The following NRG3 variants were observed in gnomAD, a reference collection of about 807,000 sequenced individuals.
The protein encoded by NRG3 is neuregulin 3.
A neutral mutation model predicts 66.9 loss-of-function variants in NRG3; 31 were observed. That is an observed-to-expected ratio of 0.46 (90% CI 0.35 to 0.63). NRG3 has a LOEUF of 0.63. Among genes scored for constraint, NRG3 ranks in the 20% least tolerant of loss-of-function variants. The probability of loss-of-function intolerance (pLI) is 0.00; values close to 1 mark genes in which losing one functional copy is unlikely to be tolerated. For missense variants in NRG3, 910 were observed against 878.9 expected, an observed-to-expected ratio of 1.04 and a Z score of -0.45; for synonymous variants, 393 against 359.4, an observed-to-expected ratio of 1.09 and a Z score of -1.06.
At chr10:82,005,662 TTTAAGCTAC>T (rs1361024718) in intron 1 of NRG3, among the ~76,000 whole-genome samples, 2 of 152,196 alleles carry the variant, frequency 1.3e-5, no homozygotes. Flanking sequence ...TCATTTTAAT[TTTAAGCTAC>T]ATGCTCTTAA....
intron 1 of NRG3, among the ~76,000 whole-genome samples, chr10:82,058,810 G>C (rs541900049): frequency 6.6e-6 from 1 of 152,174 alleles, no homozygotes; most frequent in South Asian, 2.1e-4. Context: ...CAACTGAAGA[G>C]GCAGTTCTTA....
chr10:82,481,941 C>T (rs1198245544), intron 2 of NRG3, among the ~76,000 whole-genome samples: 1 of 152,120 alleles, frequency 6.6e-6, no homozygotes, highest in Non-Finnish European at 1.5e-5. Context: ...GAGCTGAGAT[C>T]ACGCCACTGC....
At chr10:82,144,769 A>T (rs1398870092) in intron 1 of NRG3, among the ~76,000 whole-genome samples, 1 of 152,160 alleles carries the variant, frequency 6.6e-6, no homozygotes, top group Non-Finnish European at 1.5e-5. Context: ...ACTTCAAGCA[A>T]AACAGCTACT....
At chr10:82,421,624 C>G (rs569471431) in intron 2 of NRG3, among the ~76,000 whole-genome samples, 10 of 152,046 alleles carry the variant, frequency 6.6e-5, no homozygotes, top group Non-Finnish European at 1.5e-4. Flanking sequence ...GCTTATTCAG[C>G]TCTGCTTAGA....
chr10:82,166,238 C>G (rs370805996), intron 1 of NRG3, among the ~76,000 whole-genome samples: 9 of 152,246 alleles, frequency 5.9e-5, no homozygotes, highest in East Asian at 1.9e-4. Context: ...AGGCTGGTCT[C>G]TAACTCCTGA....
chr10:82,380,744 TTTG>T (rs1332951275), intron 2 of NRG3, among the ~76,000 whole-genome samples: 3 of 152,160 alleles, frequency 2.0e-5, no homozygotes, highest in South Asian at 4.1e-4. Flanking sequence ...TGGAAAACAG[TTTG>T]TTATTACCAC....
intron 4 of NRG3, among the ~76,000 whole-genome samples, chr10:82,901,285 T>A (rs1223418027): frequency 6.6e-6 from 1 of 151,884 alleles, no homozygotes; most frequent in African/African-American, 2.4e-5. Context: ...CAAATTTGAA[T>A]TTTTTTTGTC....
intron 1 of NRG3, among the ~76,000 whole-genome samples, chr10:82,344,693 GTTC>G (rs1265336015): frequency 1.2e-4 from 15 of 123,392 alleles, no homozygotes; most frequent in African/African-American, 6.8e-4. Context: ...GTGTAAAAGT[GTTC>G]CTATTTCTCC....
intron 1 of NRG3, among the ~76,000 whole-genome samples, chr10:82,072,707 CATT>C (rs1023823534): frequency 1.1e-4 from 17 of 149,334 alleles, no homozygotes; most frequent in Non-Finnish European, 2.5e-4. Flanking sequence ...TTTTTTGCTT[CATT>C]ATTTTATGTC....
intron 1 of NRG3, among the ~76,000 whole-genome samples, chr10:82,349,138 G>A (rs4603241): frequency 0.15 from 21,871 of 146,602 alleles, 1,653 homozygotes; most frequent in East Asian, 0.31. Flanking sequence ...GAGGAGAGGC[G>A]CTCTGCTTTT....
chr10:81,903,974 GTA>G lies in NRG3; in HGVS notation c.823+27833_823+27834del, dbSNP rs71007284. On this transcript the variant is annotated intron_variant, in intron 1 of 8. Coordinates refer to ENST00000372141, the MANE Select transcript of NRG3 (RefSeq NM_001010848.4). ...ATCCACCTTCAAGACTTCAGAGTGT[GTA>G]TATATATATATATATATATATTTTT... is the stretch of plus-strand genomic sequence containing the variant. 4.7e-3 allele frequency among the ~76,000 whole-genome samples: 670 copies of G among 143,418 alleles called. 6 individuals carry two copies. The highest frequency in any genetic ancestry group is 0.014 in the African/African-American group (559 of 39,178). The allele number at this position is 143,418 out of a possible 152,430, so 94.1% of individuals were successfully genotyped here.
At chr10:82,943,210 C>T (rs1468118330) in intron 4 of NRG3, among the ~76,000 whole-genome samples, 2 of 152,170 alleles carry the variant, frequency 1.3e-5, no homozygotes, top group Non-Finnish European at 2.9e-5. Flanking sequence ...TTTGTTCGTG[C>T]TTATGTGTTT....
chr10:82,086,776 GCCCATCA>G lies in NRG3; in HGVS notation c.823+210616_823+210622del, dbSNP rs1352265412. Reference sequence around the variant, plus strand: ...AGGGTGAGATATTTGGAAGTAGCACGCCCATCACCAACACTGTCAAATCATTAGTCCA... The same window carrying G: ...AGGGTGAGATATTTGGAAGTAGCACGCCAACACTGTCAAATCATTAGTCCA... On this transcript the variant is annotated intron_variant, in intron 1 of 8. Coordinates refer to ENST00000372141, the MANE Select transcript of NRG3 (RefSeq NM_001010848.4). 2.0e-5 allele frequency among the ~76,000 whole-genome samples: 3 copies of G among 152,076 alleles called. No individual in the cohort carries two copies. In the East Asian group the frequency reaches 5.8e-4, roughly 29 times the overall value.
intron 3 of NRG3, among the ~76,000 whole-genome samples, chr10:82,850,027 C>T (rs2063489363): frequency 1.3e-5 from 2 of 152,088 alleles, no homozygotes; most frequent in South Asian, 4.1e-4. Context: ...TAAAACCATC[C>T]AGGTGAGAGA....
At chr10:82,345,151 T>C (rs1003333437) in intron 1 of NRG3, among the ~76,000 whole-genome samples, 97 of 142,912 alleles carry the variant, frequency 6.8e-4, no homozygotes, top group Non-Finnish European at 9.9e-4. Context: ...GTCTATGTCC[T>C]GAATGGTAAT....
At chr10:82,643,383 C>T (rs999999356) in intron 2 of NRG3, among the ~76,000 whole-genome samples, 2 of 152,094 alleles carry the variant, frequency 1.3e-5, no homozygotes. Context: ...TTGCTCCTCC[C>T]TGCCTTCCAC....
At position 82,949,771 on chromosome 10, in the gene NRG3, C is replaced by T. The variant is rs1281357125; in HGVS notation, c.1055-1698C>T. ...TTGGGAGGCTGAAGCAGGAGGATCA[C>T]GTGAACCCAGGAGGAAGAGGTTGCA... On this transcript the variant is annotated intron_variant, in intron 4 of 8. Coordinates refer to ENST00000372141, the MANE Select transcript of NRG3 (RefSeq NM_001010848.4). Among the ~76,000 whole-genome samples, 3 of 152,026 alleles carry T rather than the reference C, an allele frequency of 2.0e-5. 1 individual carries two copies. In the South Asian group the frequency reaches 6.2e-4, roughly 32 times the overall value.
At chr10:82,889,475 T>A (rs1290793942) in intron 4 of NRG3, among the ~76,000 whole-genome samples, 1 of 152,212 alleles carries the variant, frequency 6.6e-6, no homozygotes, top group Non-Finnish European at 1.5e-5. Flanking sequence ...ATGCATTTTA[T>A]GTATTCAGGT....
At chr10:82,856,065 T>G (rs908853957) in intron 3 of NRG3, among the ~76,000 whole-genome samples, 3 of 152,048 alleles carry the variant, frequency 2.0e-5, no homozygotes, top group African/African-American at 7.2e-5. Context: ...GTGGATATCG[T>G]TTTTCAATAT....
Sources: gnomAD v4.1 joint callset for allele counts (sites outside exome capture counted in the v4.1 genomes callset) on GRCh38, gnomAD v4.1.1 for gene constraint, MANE v1.5 for transcripts, NCBI Gene and HGNC (gene_info 2026-07-23, HGNC 2026-07-21) for gene names.